The following PEX26 variants were observed in gnomAD, a reference collection of about 807,000 sequenced individuals.
The protein encoded by PEX26 is peroxisome assembly protein 26.
Under a neutral mutation model 31.4 loss-of-function variants are expected in PEX26, and 18 were observed. The ratio of observed to expected loss-of-function variants is 0.57; its 90% CI spans 0.40 to 0.85. The LOEUF (loss-of-function observed/expected upper bound fraction) is 0.85, where lower values mean the gene tolerates loss of function less well. PEX26 is among the 40% of genes least tolerant of loss of function. PEX26 has a pLI of 0.00. For synonymous variants in PEX26, 176 were observed against 166.9 expected (o/e 1.05, Z -0.42); for missense variants, 377 against 383.9 (o/e 0.98, Z 0.15).
intron 4 of PEX26, among the ~76,000 whole-genome samples, chr22:18,087,514 G>A (rs1159295476): frequency 6.6e-6 from 1 of 152,188 alleles, no homozygotes; most frequent in African/African-American, 2.4e-5. Context: ...TATCATCAGC[G>A]TTCATCCCTG....
In PEX26 at chr22:18,093,028, A is replaced by G. The variant is rs776114575; in HGVS notation, c.*4953A>G. 15 of 152,214 alleles carry G rather than the reference A, an allele frequency of 9.9e-5. No individual in the cohort carries two copies. Among genetic ancestry groups the G allele is most frequent in the Non-Finnish European group, 2.1e-4 (14 of 68,042 alleles). The allele number at this position is 152,214 out of a possible 1,614,324, so 9.4% of individuals were successfully genotyped here. A position where few individuals can be genotyped will look rare whatever the true frequency, so the allele number is the denominator to read the frequency against. ...TACTTTTTTAATACAAAATACAAGC[A>G]AAGGATACACATACTTAAAACAGAG... On this transcript the variant is annotated 3_prime_UTR_variant, in exon 5 of 5. Coordinates refer to ENST00000399744, the MANE Select transcript of PEX26 (RefSeq NM_001127649.3).
At position 18,102,789 on chromosome 22, in the gene PEX26, T is replaced by G. The variant is rs1369937150; in HGVS notation, c.*14714T>G. On this transcript the variant is annotated 3_prime_UTR_variant, in exon 5 of 5. Transcript: ENST00000399744. ...TTTTCTGTCAAGTAAATACATTTAT[T>G]AAAAATAGGCATGTAGCCGGGCGCA... 6.6e-6 allele frequency: 1 copy of G among 151,982 alleles called. No homozygotes were observed. Among genetic ancestry groups the G allele is most frequent in the African/African-American group, 2.4e-5 (1 of 41,382 alleles). The allele number at this position is 151,982 out of a possible 1,614,324, so 9.4% of individuals were successfully genotyped here.
At chr22:18,085,733 G>A (rs895617904) in intron 4 of PEX26, among the ~76,000 whole-genome samples, 3 of 152,138 alleles carry the variant, frequency 2.0e-5, no homozygotes, top group Non-Finnish European at 4.4e-5. Context: ...TTAGCCAGGT[G>A]TAGTGGCACA....
rs759433433 is a variant in PEX26, at chr22:18,083,512, C to G, written c.447C>G (p.Ala149=). ...TGGGTGCCTGGCTCCAAGACCCAGC[C>G]AATCAAAACCTTCCAGAATATGGAG... ...DVVGAWLQDP[A]NQNLPEYGAL... The change falls in exon 3 of 5, where the codon GCC becomes GCG. Residue 149 remains alanine (A), a synonymous_variant. Coordinates refer to ENST00000399744, the MANE Select transcript of PEX26 (RefSeq NM_001127649.3). 2.5e-6 allele frequency: 4 copies of G among 1,614,116 alleles called. No individual in the cohort carries two copies. In the African/African-American group the frequency reaches 4.0e-5, roughly 16 times the overall value.
In PEX26 at chr22:18,103,107, A is replaced by AAAG. The variant is rs1927505115; in HGVS notation, c.*15034_*15035insGAA. 1 of 151,278 alleles carries AAAG rather than the reference A, an allele frequency of 6.6e-6. No individual in the cohort carries two copies. The highest frequency in any genetic ancestry group is 1.5e-5 in the Non-Finnish European group (1 of 67,874). 9.4% of individuals were successfully genotyped at this position (151,278 alleles called of 1,614,324 possible). ...GACTGCATCTCAAAAAAAAAAAAAA[A>AAAG]AAAAAGGCATGTAAAAGTTAATCTC... On this transcript the variant is annotated 3_prime_UTR_variant, in exon 5 of 5. Coordinates refer to ENST00000399744, the MANE Select transcript of PEX26 (RefSeq NM_001127649.3).
chr22:18,100,715 T>C lies in PEX26; in HGVS notation c.*12640T>C, dbSNP rs1407783453. On this transcript the variant is annotated 3_prime_UTR_variant, in exon 5 of 5. Transcript: ENST00000399744. ...ATGGTATTAATTCAAAGCAGGTAGA[T>C]GACCAGCGATGCTGTTTACTACATC... 1 of 152,256 alleles carries C rather than the reference T, an allele frequency of 6.6e-6. No individual in the cohort carries two copies. The allele number at this position is 152,256 out of a possible 1,614,324, so 9.4% of individuals were successfully genotyped here.
At position 18,097,849 on chromosome 22, in the gene PEX26, T is replaced by G. The variant is rs1191249972; in HGVS notation, c.*9774T>G. Reference sequence around the variant, plus strand: ...AGCCACCACACCCAGATGATTTTTTTATTTTTCAAAGAAGTGGCATGATTT... The same window carrying G: ...AGCCACCACACCCAGATGATTTTTTGATTTTTCAAAGAAGTGGCATGATTT... On this transcript the variant is annotated 3_prime_UTR_variant, in exon 5 of 5. Coordinates refer to ENST00000399744, the MANE Select transcript of PEX26 (RefSeq NM_001127649.3). The G allele has an allele frequency of 6.6e-6, 1 of 152,222 alleles. No individual in the cohort carries two copies. The highest frequency in any genetic ancestry group is 1.5e-5 in the Non-Finnish European group (1 of 68,046). 9.4% of individuals were successfully genotyped at this position (152,222 alleles called of 1,614,324 possible).
chr22:18,100,794 A>G lies in PEX26; in HGVS notation c.*12719A>G, dbSNP rs1037112741. 1 of 152,240 alleles carries G rather than the reference A, an allele frequency of 6.6e-6. No homozygotes were observed. The highest frequency in any genetic ancestry group is 2.4e-5 in the African/African-American group (1 of 41,468). 9.4% of individuals were successfully genotyped at this position (152,240 alleles called of 1,614,324 possible). A position where few individuals can be genotyped will look rare whatever the true frequency, so the allele number is the denominator to read the frequency against. ...CACCATCTCGGTAGGAAAGAGTTTG[A>G]CAGGAAGAAGAAATTGCAGAGTCCC... On this transcript the variant is annotated 3_prime_UTR_variant, in exon 5 of 5. Transcript: ENST00000399744.
intron 4 of PEX26, 103 bp downstream of exon 4, chr22:18,085,361 T>A: frequency 1.7e-6 from 2 of 1,202,052 alleles, no homozygotes; most frequent in Non-Finnish European, 2.4e-6. Context: ...GGGAGGGGAG[T>A]CTCTCCTATG....
Position 18,078,270 on chromosome 22 carries a change from G to C in PEX26, c.-107G>C, listed in dbSNP as rs76345477. The C allele has an allele frequency of 1.2e-6, 1 of 823,586 alleles. No individual in the cohort carries two copies. The highest frequency in any genetic ancestry group is 2.0e-6 in the Non-Finnish European group (1 of 494,774). 51.0% of individuals were successfully genotyped at this position (823,586 alleles called of 1,614,324 possible). ...CCTCGGGAAGGGGTGTGGGCAAAGA[G>C]ATGAGGACTCTCCCTCTTCGCCCAG... On this transcript the variant is annotated 5_prime_UTR_variant, in exon 1 of 5. Transcript: ENST00000399744.
rs1191165831 is a variant in PEX26 at position 18,078,123 on chromosome 22, G to A, written c.-254G>A. 6.1e-6 allele frequency: 4 copies of A among 656,250 alleles called. No individual in the cohort carries two copies. The highest frequency in any genetic ancestry group is 6.0e-5 in the South Asian group (4 of 66,382). 40.7% of individuals were successfully genotyped at this position (656,250 alleles called of 1,614,324 possible). On this transcript the variant is annotated 5_prime_UTR_variant, in exon 1 of 5. Coordinates refer to ENST00000399744, the MANE Select transcript of PEX26 (RefSeq NM_001127649.3). ...GTGTCGCGGGGCCGGAGAAGCTAGG[G>A]CCAGGTATTCCAGGGATGCAAGAAT...
At position 18,083,723 on chromosome 22, in the gene PEX26, A is replaced by G; in HGVS notation, c.658A>G (p.Asn220Asp). The G allele has an allele frequency of 6.2e-7, 1 of 1,613,932 alleles. No homozygotes were observed. Among genetic ancestry groups the G allele is most frequent in the Non-Finnish European group, 8.5e-7 (1 of 1,180,034 alleles). The change falls in exon 3 of 5, where the codon AAC becomes GAC. Residue 220 changes from asparagine to aspartate, a missense_variant. Transcript: ENST00000399744. ...HSGSEEAQKPNLEGSVSHKFL... is the reference protein window; with the variant it reads ...HSGSEEAQKPDLEGSVSHKFL... ...AGGCTCTGAGGAGGCCCAGAAGCCA[A>G]ACCTGGAAGGTAGGACATTATCCCT...
At position 18,099,714 on chromosome 22, in the gene PEX26, G is replaced by A. The variant is rs923773960; in HGVS notation, c.*11639G>A. The A allele has an allele frequency of 1.3e-5, 2 of 152,218 alleles. No individual in the cohort carries two copies. The highest frequency in any genetic ancestry group is 4.8e-5 in the African/African-American group (2 of 41,470). The allele number at this position is 152,218 out of a possible 1,614,324, so 9.4% of individuals were successfully genotyped here. ...AGGCCAGAAGTCAGCCAAAGCCTCT[G>A]CCTCTGAAGGCTGTAGGCAAGATTC... is the stretch of plus-strand genomic sequence containing the variant. On this transcript the variant is annotated 3_prime_UTR_variant, in exon 5 of 5. Transcript: ENST00000399744.
intron 2 of PEX26, among the ~76,000 whole-genome samples, chr22:18,082,471 C>A (rs1926655247): frequency 6.6e-6 from 1 of 152,078 alleles, no homozygotes; most frequent in Admixed American, 6.6e-5. Context: ...CTGTCTTTTC[C>A]CCTGTGTGTG....
At chr22:18,087,055 G>C (rs1236280466) in intron 4 of PEX26, among the ~76,000 whole-genome samples, 2 of 152,048 alleles carry the variant, frequency 1.3e-5, no homozygotes, top group East Asian at 3.9e-4. Flanking sequence ...TGGGACTACA[G>C]GCATGTGCCT....
In PEX26 at chr22:18,083,608, G is replaced by A. The variant is rs759486462; in HGVS notation, c.543G>A (p.Val181=). Residue 181 remains valine (V), a synonymous_variant, in exon 3 of 5, where the codon GTG becomes GTA. Coordinates refer to ENST00000399744, the MANE Select transcript of PEX26 (RefSeq NM_001127649.3). ...GCTTATCGGAGGCTGAGGAGCTAGTGGTGGGCTCTGCAGCCTTTGGTGAGG... is the reference window on the plus strand; with the variant it reads ...GCTTATCGGAGGCTGAGGAGCTAGTAGTGGGCTCTGCAGCCTTTGGTGAGG... ...LGCLSEAEEL[V]VGSAAFGEER... is the part of the protein sequence containing the mutation. The A allele has an allele frequency of 1.9e-6, 3 of 1,614,102 alleles. No individual in the cohort carries two copies. The highest frequency in any genetic ancestry group is 1.1e-5 in the South Asian group (1 of 91,076).
rs1325687847 is a variant in PEX26, at chr22:18,097,581, T to C, written c.*9506T>C. ...CCTGGCCACAGCCATTAGTTTTAAA[T>C]TTACTCTTCCAGAGGTAAATTTAAT... On this transcript the variant is annotated 3_prime_UTR_variant, in exon 5 of 5. Coordinates refer to ENST00000399744, the MANE Select transcript of PEX26 (RefSeq NM_001127649.3). The C allele has an allele frequency of 6.6e-6, 1 of 151,828 alleles. No individual in the cohort carries two copies. The highest frequency in any genetic ancestry group is 2.4e-5 in the African/African-American group (1 of 41,308). 9.4% of individuals were successfully genotyped at this position (151,828 alleles called of 1,614,324 possible). A position where few individuals can be genotyped will look rare whatever the true frequency, so the allele number is the denominator to read the frequency against.
intron 3 of PEX26, 94 bp from the exon 4 acceptor site, chr22:18,085,018 G>A (rs1926781639): frequency 4.3e-6 from 6 of 1,386,452 alleles, no homozygotes; most frequent in Non-Finnish European, 6.1e-6. Flanking sequence ...ACTGCGCCTG[G>A]CCTGCTCAGG....
At chr22:18,086,760 C>A (rs1459068099) in intron 4 of PEX26, among the ~76,000 whole-genome samples, 1 of 152,062 alleles carries the variant, frequency 6.6e-6, no homozygotes, top group Non-Finnish European at 1.5e-5. Context: ...AAATCAGAAA[C>A]CCTTATACTG....
Sources: gnomAD v4.1 joint callset for allele counts (sites outside exome capture counted in the v4.1 genomes callset) on GRCh38, gnomAD v4.1.1 for gene constraint, MANE v1.5 for transcripts, NCBI Gene and HGNC (gene_info 2026-07-23, HGNC 2026-07-21) for gene names.